USH2A: variants seen among roughly 807,000 people sequenced by gnomAD.
USH2A encodes the protein usherin, also known as Usher syndrome 2A (autosomal recessive, mild).
Under a neutral mutation model 538.9 loss-of-function variants are expected in USH2A, and 443 were observed. The ratio of observed to expected loss-of-function variants is 0.82; its 90% CI spans 0.76 to 0.89. USH2A has a LOEUF of 0.89. Ranked by LOEUF, USH2A falls within the 40% of genes least tolerant of loss-of-function variation. The pLI is 0.00. For missense variants in USH2A, 6,633 were observed against 6,324.8 expected (o/e 1.05, Z -1.65); for synonymous variants, 2,413 against 2,273.5 (o/e 1.06, Z -1.75).
chr1:216,057,900 G>A (rs1228648835), intron 30 of USH2A, among the ~76,000 whole-genome samples: 1 of 152,012 alleles, frequency 6.6e-6, no homozygotes, highest in African/African-American at 2.4e-5. Flanking sequence ...TTTTTACCTG[G>A]GCAAGTGGCT....
intron 47 of USH2A, among the ~76,000 whole-genome samples, chr1:215,825,096 A>C (rs1490678854): frequency 6.6e-6 from 1 of 152,148 alleles, no homozygotes; most frequent in Non-Finnish European, 1.5e-5. Context: ...GAATTCATCA[A>C]GTGTTCAGAC....
chr1:215,974,932 G>A (rs1036390753), intron 35 of USH2A, among the ~76,000 whole-genome samples: 5 of 152,118 alleles, frequency 3.3e-5, no homozygotes, highest in Non-Finnish European at 5.9e-5. Context: ...CACAGTGGCC[G>A]AACTAATTTA....
At chr1:216,163,063 C>A (rs779111479) in intron 21 of USH2A, among the ~76,000 whole-genome samples, 1 of 151,904 alleles carries the variant, frequency 6.6e-6, no homozygotes, top group Admixed American at 6.6e-5. Flanking sequence ...GTGTGTGCAA[C>A]TCAGTTCATT....
At chr1:215,802,967 T>C (rs1662383257) in intron 49 of USH2A, among the ~76,000 whole-genome samples, 1 of 151,848 alleles carries the variant, frequency 6.6e-6, no homozygotes, top group Non-Finnish European at 1.5e-5. Context: ...TACGACAACA[T>C]GAATGGGAAC....
chr1:215,924,672 T>C (rs1159520988), intron 38 of USH2A, among the ~76,000 whole-genome samples: 1 of 151,990 alleles, frequency 6.6e-6, no homozygotes, highest in African/African-American at 2.4e-5. Flanking sequence ...GAAAATGAAT[T>C]GTACTTATTC....
chr1:216,322,383 A>ACTTGAGGT (rs2037632393), intron 8 of USH2A, among the ~76,000 whole-genome samples: 1 of 151,944 alleles, frequency 6.6e-6, no homozygotes. Flanking sequence ...CGGGTAGATC[A>ACTTGAGGT]CTTGAGGTCA....
rs576120608 is a variant in USH2A, at chr1:215,680,158, A to G, written c.12285T>C (p.Gly4095=). ...GCAGGGTAGACATTACCTTAATCAC[A>G]CCATTGGTTCTCATAGGTTCTGACC... is the stretch of plus-strand genomic sequence containing the variant. ...LQWSEPMRTN[G]VIKTYNIFSD... Residue 4095 remains glycine (G), a synonymous_variant, in exon 62 of 72, where the codon GGT becomes GGC. Coordinates refer to ENST00000307340, the MANE Select transcript of USH2A (RefSeq NM_206933.4). 2 of 1,614,012 alleles carry G rather than the reference A, an allele frequency of 1.2e-6. No individual in the cohort carries two copies. Among genetic ancestry groups the G allele is most frequent in the Admixed American group, 1.7e-5 (1 of 60,004 alleles).
At chr1:216,340,543 A>AAAG (rs984319696) in intron 4 of USH2A, among the ~76,000 whole-genome samples, 4 of 151,468 alleles carry the variant, frequency 2.6e-5, no homozygotes, top group Admixed American at 6.6e-5. Flanking sequence ...TGACAAAAAA[A>AAAG]AAAAAAAGAA....
intron 44 of USH2A, among the ~76,000 whole-genome samples, chr1:215,847,305 G>A (rs1014180933): frequency 2.0e-5 from 3 of 152,116 alleles, no homozygotes; most frequent in Non-Finnish European, 2.9e-5. Flanking sequence ...TGTTAGGATG[G>A]GGGTGGAGTG....
At chr1:216,245,726 ATGC>A (rs1442518335) in intron 13 of USH2A, among the ~76,000 whole-genome samples, 5 of 152,158 alleles carry the variant, frequency 3.3e-5, no homozygotes, top group African/African-American at 1.2e-4. Context: ...ACACTGACCA[ATGC>A]CAAAGGAAAA....
chr1:216,302,897 A>G (rs1314771312), intron 9 of USH2A, among the ~76,000 whole-genome samples: 1 of 152,070 alleles, frequency 6.6e-6, no homozygotes, highest in Non-Finnish European at 1.5e-5. Flanking sequence ...ATATAAATAT[A>G]ATTGATAGCC....
intron 30 of USH2A, among the ~76,000 whole-genome samples, chr1:216,057,433 A>C (rs940645945): frequency 6.6e-6 from 1 of 152,192 alleles, no homozygotes; most frequent in Non-Finnish European, 1.5e-5. Flanking sequence ...AAGCAGGTGG[A>C]TCACCTGAGG....
intron 62 of USH2A, among the ~76,000 whole-genome samples, chr1:215,677,429 TC>T (rs754342435): frequency 3.9e-5 from 6 of 152,188 alleles, no homozygotes; most frequent in Non-Finnish European, 8.8e-5. Context: ...GCTCCATTTC[TC>T]TGCTTTTCTT....
intron 30 of USH2A, among the ~76,000 whole-genome samples, chr1:216,057,609 C>T (rs1482495441): frequency 2.0e-5 from 3 of 152,118 alleles, no homozygotes; most frequent in African/African-American, 7.2e-5. Flanking sequence ...ATTGCTTGAA[C>T]CCGGGCGGCG....
At chr1:215,998,547 G>A (rs1668189462) in intron 34 of USH2A, among the ~76,000 whole-genome samples, 1 of 152,006 alleles carries the variant, frequency 6.6e-6, no homozygotes, top group African/African-American at 2.4e-5. Flanking sequence ...AAATGCCACA[G>A]GGAAATAACC....
intron 40 of USH2A, among the ~76,000 whole-genome samples, chr1:215,892,279 T>G (rs1182217861): frequency 6.6e-6 from 1 of 151,336 alleles, no homozygotes; most frequent in African/African-American, 2.4e-5. Context: ...CCATGACTGA[T>G]CAGTCAGTTT....
Position 215,625,711 on chromosome 1 carries a change from G to T in USH2A, c.*70C>A. Reference sequence around the variant, plus strand: ...TGGCTTTTCAGCATTTATGATGTGTGAGTGATAACCCAGGAGGAAATGGGT... The same window carrying T: ...TGGCTTTTCAGCATTTATGATGTGTTAGTGATAACCCAGGAGGAAATGGGT... On this transcript the variant is annotated 3_prime_UTR_variant, in exon 72 of 72. Coordinates refer to ENST00000307340, the MANE Select transcript of USH2A (RefSeq NM_206933.4). 7.3e-7 allele frequency: 1 copy of T among 1,373,976 alleles called. No individual in the cohort carries two copies. The highest frequency in any genetic ancestry group is 1.0e-6 in the Non-Finnish European group (1 of 961,728). The allele number at this position is 1,373,976 out of a possible 1,614,324, so 85.1% of individuals were successfully genotyped here. A position where few individuals can be genotyped will look rare whatever the true frequency, so the allele number is the denominator to read the frequency against.
At chr1:216,418,750 G>C in intron 2 of USH2A, 71 bp from the exon 3 acceptor site, 1 of 1,562,654 alleles carries the variant, frequency 6.4e-7, no homozygotes, top group Non-Finnish European at 8.8e-7. Flanking sequence ...GTATTGTGCA[G>C]TTACAGTGGT....
intron 19 of USH2A, chr1:216,194,171 A>G (rs1360240183): frequency 6.6e-6 from 1 of 152,130 alleles, no homozygotes; most frequent in Non-Finnish European, 1.5e-5. Context: ...CTCTAAAATG[A>G]TATTTTGGAG....
Sources: allele counts gnomAD v4.1 joint callset (sites outside exome capture counted in the v4.1 genomes callset), GRCh38; gene constraint gnomAD v4.1.1; transcripts MANE v1.5; gene names NCBI Gene and HGNC (gene_info 2026-07-23, HGNC 2026-07-21).